The following NLGN4Y variants were observed in gnomAD, a reference collection of about 807,000 sequenced individuals.
NLGN4Y encodes neuroligin-4, Y-linked.
In NLGN4Y, 4 loss-of-function variants were observed where a neutral mutation model predicts 8.4. The ratio of observed to expected loss-of-function variants is 0.48; its 90% CI spans 0.23 to 1.09. NLGN4Y has a LOEUF of 1.09. NLGN4Y is among the 50% of genes least tolerant of loss of function. The probability of loss-of-function intolerance (pLI) is 0.19; values close to 1 mark genes in which losing one functional copy is unlikely to be tolerated. For missense variants in NLGN4Y, 90 were observed against 192.3 expected, an observed-to-expected ratio of 0.47 and a Z score of 3.15; for synonymous variants, 35 against 75.6, an observed-to-expected ratio of 0.46 and a Z score of 2.78.
intron 2 of NLGN4Y, among the ~76,000 whole-genome samples, chrY:14,651,455 T>C (rs2080629567): frequency 3.0e-5 from 1 of 33,582 alleles, no homozygotes; most frequent in Non-Finnish European, 7.4e-5. Flanking sequence ...TATTTTGCAA[T>C]TGATACCTTC....
intron 6 of NLGN4Y, among the ~76,000 whole-genome samples, chrY:14,834,976 C>T: frequency 3.0e-5 from 1 of 33,302 alleles, no homozygotes; most frequent in Admixed American, 2.7e-4. Flanking sequence ...GCGTGTCTGT[C>T]AGTACACAGT....
intron 1 of NLGN4Y, among the ~76,000 whole-genome samples, chrY:14,591,701 G>A: frequency 6.0e-5 from 2 of 33,393 alleles, no homozygotes; most frequent in Non-Finnish European, 1.5e-4. Context: ...GGTAGGTGCC[G>A]CAGAGGCAGG....
At chrY:14,536,235 GTTTTTTTTTTTTTTTT>G (rs58267140) in intron 1 of NLGN4Y, among the ~76,000 whole-genome samples, 1 of 12,950 alleles carries the variant, frequency 7.7e-5, no homozygotes, top group Non-Finnish European at 1.4e-4. Flanking sequence ...TTTCCTGAAG[GTTTTTTTTTTTTTTTT>G]TTTTTTTTTT....
At chrY:14,790,771 G>T in intron 4 of NLGN4Y, among the ~76,000 whole-genome samples, 1 of 33,080 alleles carries the variant, frequency 3.0e-5, no homozygotes, top group Admixed American at 2.8e-4. Context: ...GGGTGGGTTG[G>T]ATAATGCAAA....
intron 2 of NLGN4Y, among the ~76,000 whole-genome samples, chrY:14,712,033 A>C (rs776241958): frequency 6.4e-3 from 176 of 27,424 alleles, no homozygotes; most frequent in African/African-American, 0.026. Context: ...GAAATCACTC[A>C]CTGCACTCTA....
At chrY:14,576,783 A>G in intron 1 of NLGN4Y, among the ~76,000 whole-genome samples, 1 of 33,389 alleles carries the variant, frequency 3.0e-5, no homozygotes, top group Non-Finnish European at 7.4e-5. Flanking sequence ...GATATCAGAG[A>G]GTTGAGATGG....
At chrY:14,680,732 G>A (rs2080765817) in intron 2 of NLGN4Y, among the ~76,000 whole-genome samples, 1 of 33,294 alleles carries the variant, frequency 3.0e-5, no homozygotes, top group African/African-American at 1.2e-4. Flanking sequence ...TGGTGCCCAT[G>A]TCTCCATGTG....
At chrY:14,553,729 G>C (rs1197484440) in intron 1 of NLGN4Y, among the ~76,000 whole-genome samples, 2 of 30,193 alleles carry the variant, frequency 6.6e-5, no homozygotes, top group East Asian at 1.6e-3. Context: ...TATAAATTCT[G>C]ACATTTAGGT....
At chrY:14,785,520 G>C (rs931969784) in intron 4 of NLGN4Y, among the ~76,000 whole-genome samples, 1 of 33,985 alleles carries the variant, frequency 2.9e-5, no homozygotes, top group Non-Finnish European at 7.3e-5. Context: ...AATCCCAGCA[G>C]TTTGGGAGGC....
At chrY:14,829,620 A>G in intron 5 of NLGN4Y, 110 bp from the exon 6 acceptor site, 1 of 261,407 alleles carries the variant, frequency 3.8e-6, no homozygotes, top group Non-Finnish European at 6.0e-6. Context: ...GAATGCTACT[A>G]CATCCAGAAA....
chrY:14,816,131 A>G, intron 4 of NLGN4Y, among the ~76,000 whole-genome samples: 1 of 33,569 alleles, frequency 3.0e-5, no homozygotes, highest in African/African-American at 1.2e-4. Context: ...AGTATTTTCC[A>G]CTGGCTGGCT....
At chrY:14,571,772 G>T in intron 1 of NLGN4Y, among the ~76,000 whole-genome samples, 1 of 31,447 alleles carries the variant, frequency 3.2e-5, no homozygotes, top group Non-Finnish European at 7.7e-5. Context: ...ATTAATTTTT[G>T]TATAAGGTAT....
chrY:14,719,181 C>A, intron 2 of NLGN4Y, among the ~76,000 whole-genome samples: 2 of 32,751 alleles, frequency 6.1e-5, no homozygotes, highest in Non-Finnish European at 1.5e-4. Context: ...TTTGCAGTAG[C>A]ATCATTTTAA....
chrY:14,760,852 T>C (rs2150570305), intron 4 of NLGN4Y, among the ~76,000 whole-genome samples: 1 of 33,897 alleles, frequency 3.0e-5, no homozygotes, highest in Admixed American at 2.7e-4. Context: ...ATTGTTAATA[T>C]ATTTATTTTG....
At chrY:14,766,731 T>C in intron 4 of NLGN4Y, among the ~76,000 whole-genome samples, 1 of 33,185 alleles carries the variant, frequency 3.0e-5, no homozygotes, top group Non-Finnish European at 7.5e-5. Context: ...CCACAATTTA[T>C]ATATTATCTT....
intron 1 of NLGN4Y, among the ~76,000 whole-genome samples, chrY:14,548,108 T>C: frequency 6.1e-5 from 2 of 33,012 alleles, no homozygotes; most frequent in Non-Finnish European, 1.5e-4. Context: ...TTATTGTTTT[T>C]CCATATTTTC....
chrY:14,572,907 T>C (rs2150481281), intron 1 of NLGN4Y, among the ~76,000 whole-genome samples: 1 of 33,738 alleles, frequency 3.0e-5, no homozygotes, highest in East Asian at 7.7e-4. Context: ...GTTTTTTGAT[T>C]TGTGCATGTT....
intron 1 of NLGN4Y, among the ~76,000 whole-genome samples, chrY:14,572,222 G>A (rs1391886649): frequency 1.2e-4 from 4 of 32,804 alleles, no homozygotes; most frequent in East Asian, 8.1e-4. Flanking sequence ...GATTCTTCCT[G>A]CCCATGAGCA....
chrY:14,762,705 GATTAGAGGTGATCT>G (rs2081084348), intron 4 of NLGN4Y, among the ~76,000 whole-genome samples: 1 of 33,996 alleles, frequency 2.9e-5, no homozygotes, highest in Admixed American at 2.7e-4. Context: ...ACTGTGTTGA[GATTAGAGGTGATCT>G]ATTCACATTT....
Sources: gnomAD v4.1 joint callset for allele counts (sites outside exome capture counted in the v4.1 genomes callset) on GRCh38, gnomAD v4.1.1 for gene constraint, MANE v1.5 for transcripts, NCBI Gene and HGNC (gene_info 2026-07-23, HGNC 2026-07-21) for gene names.